KCNMA1: variants seen among roughly 807,000 people sequenced by gnomAD.
KCNMA1 encodes Calcium-activated potassium channel subunit alpha-1.
In KCNMA1, 29 loss-of-function variants were observed where a neutral mutation model predicts 140.0. The observed-to-expected ratio is 0.21, with a 90% confidence interval of 0.15 to 0.28. KCNMA1 has a LOEUF of 0.28. Among genes scored for constraint, KCNMA1 ranks in the 10% least tolerant of loss-of-function variants. The pLI, the probability that KCNMA1 is intolerant of heterozygous loss-of-function variation, is 1.00. For missense variants in KCNMA1, 880 were observed against 1,602.2 expected (o/e 0.55, Z 7.70); for synonymous variants, 612 against 611.9 (o/e 1.00, Z 0.00).
intron 2 of KCNMA1, among the ~76,000 whole-genome samples, chr10:77,321,264 A>G (rs1290877952): frequency 6.6e-6 from 1 of 152,184 alleles, no homozygotes; most frequent in Non-Finnish European, 1.5e-5. Flanking sequence ...AATATATACC[A>G]CATGTGCCAA....
rs552134337 is a variant in KCNMA1, at chr10:77,396,738, C to G, written c.540+7124G>C. Among the ~76,000 whole-genome samples, 3 of 152,310 alleles carry G rather than the reference C, an allele frequency of 2.0e-5. No homozygotes were observed. The South Asian group carries it at 6.2e-4, about 32-fold the overall frequency. ...AGAGAGGCTGATATTTTTCTTTCTTCTTACATCGATAAATCATCCCTATAC... is the reference window on the plus strand; with the variant it reads ...AGAGAGGCTGATATTTTTCTTTCTTGTTACATCGATAAATCATCCCTATAC... On this transcript the variant is annotated intron_variant, in intron 2 of 27. Coordinates refer to ENST00000286628, the MANE Select transcript of KCNMA1 (RefSeq NM_001161352.2).
intron 1 of KCNMA1, among the ~76,000 whole-genome samples, chr10:77,517,335 T>A (rs2050919897): frequency 6.6e-6 from 1 of 152,178 alleles, no homozygotes; most frequent in Non-Finnish European, 1.5e-5. Flanking sequence ...AAACACAAGC[T>A]GACACGAAGG....
intron 24 of KCNMA1, chr10:76,914,177 G>T: frequency 7.1e-7 from 1 of 1,402,710 alleles, no homozygotes; most frequent in Non-Finnish European, 9.9e-7. Flanking sequence ...GAAAGGGAGT[G>T]GAGGAAAGTA....
chr10:77,013,120 A>G (rs2153458046), intron 17 of KCNMA1, among the ~76,000 whole-genome samples: 1 of 152,296 alleles, frequency 6.6e-6, no homozygotes, highest in East Asian at 1.9e-4. Context: ...AATAAACACA[A>G]TTCTTGACCA....
At chr10:77,495,685 C>T (rs1442865425) in intron 1 of KCNMA1, among the ~76,000 whole-genome samples, 1 of 152,196 alleles carries the variant, frequency 6.6e-6, no homozygotes, top group African/African-American at 2.4e-5. Context: ...ATGGAGCTGG[C>T]GTGTACACAG....
chr10:77,633,493 C>T (rs1458027663), intron 1 of KCNMA1, among the ~76,000 whole-genome samples: 1 of 152,064 alleles, frequency 6.6e-6, no homozygotes, highest in Non-Finnish European at 1.5e-5. Context: ...TGCAGCCAAT[C>T]CCCAGGACAG....
chr10:77,605,361 C>T (rs186262915), intron 1 of KCNMA1, among the ~76,000 whole-genome samples: 1 of 152,334 alleles, frequency 6.6e-6, no homozygotes, highest in Non-Finnish European at 1.5e-5. Flanking sequence ...TCAAAGCACC[C>T]GGCAAGTGGG....
intron 1 of KCNMA1, among the ~76,000 whole-genome samples, chr10:77,602,160 C>T (rs777701638): frequency 1.3e-5 from 2 of 152,184 alleles, no homozygotes; most frequent in Non-Finnish European, 2.9e-5. Context: ...TCCCAGGTCT[C>T]CCATGTCTGC....
chr10:76,873,694 G>A (rs942355278), downstream of KCNMA1: 2 of 152,064 alleles, frequency 1.3e-5, no homozygotes, highest in African/African-American at 2.4e-5. Flanking sequence ...GAGTCAAGCC[G>A]GCTCACATCT....
chr10:77,508,029 T>C (rs532618445), intron 1 of KCNMA1, among the ~76,000 whole-genome samples: 1 of 152,196 alleles, frequency 6.6e-6, no homozygotes, highest in South Asian at 2.1e-4. Flanking sequence ...GAAACTAATA[T>C]GCATCATTTA....
At chr10:77,553,080 G>A (rs180838800) in intron 1 of KCNMA1, among the ~76,000 whole-genome samples, 138 of 152,234 alleles carry the variant, frequency 9.1e-4, no homozygotes, top group Non-Finnish European at 1.6e-3. Context: ...GCCGGGTGGC[G>A]GGGTGGGGAG....
At chr10:76,995,667 G>A (rs1193046971) in intron 19 of KCNMA1, 2 of 470,816 alleles carry the variant, frequency 4.2e-6, no homozygotes, top group African/African-American at 2.0e-5. Context: ...TTCACTGCCT[G>A]GTGGTAGAAG....
intron 1 of KCNMA1, among the ~76,000 whole-genome samples, chr10:77,417,292 C>T (rs747701443): frequency 2.0e-5 from 3 of 152,180 alleles, no homozygotes; most frequent in Non-Finnish European, 2.9e-5. Context: ...TTAGCCTGGA[C>T]AATCCTTGAA....
chr10:77,364,783 GT>G (rs2094233607), intron 2 of KCNMA1, among the ~76,000 whole-genome samples: 1 of 152,198 alleles, frequency 6.6e-6, no homozygotes, highest in East Asian at 1.9e-4. Context: ...AAGACCCAGA[GT>G]GGCATCCTCC....
chr10:76,913,894 C>T lies in KCNMA1; in HGVS notation c.3016+1042G>A, dbSNP rs1346759338. 8.2e-6 allele frequency: 5 copies of T among 609,432 alleles called. No individual in the cohort carries two copies. The South Asian group carries it at 8.3e-5, about 10-fold the overall frequency. 37.8% of individuals were successfully genotyped at this position (609,432 alleles called of 1,614,324 possible). ...ATCATTAAGAAAGGCCAGAACAAGACAGTCGATTCCAACCAGAGCCACAAA... is the reference window on the plus strand; with the variant it reads ...ATCATTAAGAAAGGCCAGAACAAGATAGTCGATTCCAACCAGAGCCACAAA... On this transcript the variant is annotated intron_variant, in intron 24 of 27. Transcript: ENST00000286628.
intron 2 of KCNMA1, among the ~76,000 whole-genome samples, chr10:77,381,079 CT>C (rs2095366214): frequency 6.6e-6 from 1 of 152,176 alleles, no homozygotes. Flanking sequence ...GAACTTACTT[CT>C]ACCAAGATGG....
At chr10:76,933,892 A>T (rs1310858632) in intron 23 of KCNMA1, among the ~76,000 whole-genome samples, 1 of 152,172 alleles carries the variant, frequency 6.6e-6, no homozygotes, top group African/African-American at 2.4e-5. Context: ...ATCCAGAACT[A>T]AAGTCATTTA....
chr10:77,596,373 C>T (rs2045547940), intron 1 of KCNMA1, among the ~76,000 whole-genome samples: 1 of 152,208 alleles, frequency 6.6e-6, no homozygotes, highest in Non-Finnish European at 1.5e-5. Flanking sequence ...CATAAAAAGA[C>T]TCATACACAA....
intron 5 of KCNMA1, among the ~76,000 whole-genome samples, chr10:77,125,525 A>C (rs1042891528): frequency 6.6e-6 from 1 of 152,160 alleles, no homozygotes; most frequent in Non-Finnish European, 1.5e-5. Flanking sequence ...ATGTCCCTTG[A>C]TCAGCGTGAC....
Sources: allele counts gnomAD v4.1 joint callset (sites outside exome capture counted in the v4.1 genomes callset), GRCh38; gene constraint gnomAD v4.1.1; transcripts MANE v1.5; gene names NCBI Gene and HGNC (gene_info 2026-07-23, HGNC 2026-07-21).